The following SLC35F3 variants were observed in gnomAD, a reference collection of about 807,000 sequenced individuals.
SLC35F3 encodes the protein putative thiamine transporter SLC35F3.
A neutral mutation model predicts 49.9 loss-of-function variants in SLC35F3; 25 were observed. The observed-to-expected ratio is 0.50, with a 90% CI of 0.37 to 0.70. The LOEUF is 0.70. SLC35F3 is among the 30% of genes least tolerant of loss of function. SLC35F3 has a pLI of 0.00. For synonymous variants in SLC35F3, 275 were observed against 265.4 expected, an observed-to-expected ratio of 1.04 and a Z score of -0.35; for missense variants, 525 against 639.8, an observed-to-expected ratio of 0.82 and a Z score of 1.94.
chr1:234,000,707 A>AT lies in SLC35F3; in HGVS notation c.283+94955dup, dbSNP rs554111236. Among the ~76,000 whole-genome samples, 12 of 152,286 alleles carry AT rather than the reference A, an allele frequency of 7.9e-5. No individual in the cohort carries two copies. In the East Asian group the frequency reaches 2.1e-3, roughly 27 times the overall value. ...AAATGTAAAAATCCAGCTGTTTTTG[A>AT]TTTTTTATAGTACAAATGGGAGTTA... On this transcript the variant is annotated intron_variant, in intron 2 of 7. Coordinates refer to ENST00000366618, the MANE Select transcript of SLC35F3 (RefSeq NM_173508.4).
At position 233,981,086 on chromosome 1, in the gene SLC35F3, G is replaced by C. The variant is rs541104818; in HGVS notation, c.283+75328G>C. 2.0e-5 allele frequency among the ~76,000 whole-genome samples: 3 copies of C among 152,302 alleles called. No homozygotes were observed. In the East Asian group the frequency reaches 5.8e-4, roughly 29 times the overall value. ...TACAGAAAGAACAGAAAGAGATACT[G>C]TGTATGCCTCATTCAGTTTTCCCCG... On this transcript the variant is annotated intron_variant, in intron 2 of 7. Transcript: ENST00000366618.
At chr1:234,006,740 T>TGA (rs1301083936) in intron 2 of SLC35F3, among the ~76,000 whole-genome samples, 3 of 152,248 alleles carry the variant, frequency 2.0e-5, no homozygotes, top group African/African-American at 7.2e-5. Flanking sequence ...GAAGAAGAGA[T>TGA]GAGAGCTGGG....
intron 2 of SLC35F3, among the ~76,000 whole-genome samples, chr1:234,180,466 G>C (rs1361345934): frequency 6.6e-6 from 1 of 152,196 alleles, no homozygotes; most frequent in African/African-American, 2.4e-5. Flanking sequence ...TGCTAAGTGA[G>C]ACCTAGCTAG....
intron 2 of SLC35F3, among the ~76,000 whole-genome samples, chr1:234,136,521 T>C (rs1353434472): frequency 6.6e-6 from 1 of 152,202 alleles, no homozygotes; most frequent in Non-Finnish European, 1.5e-5. Context: ...CCCTTTATCT[T>C]TCTTAATGGT....
intron 3 of SLC35F3, among the ~76,000 whole-genome samples, chr1:234,251,970 A>G (rs1373331319): frequency 6.6e-6 from 1 of 151,932 alleles, no homozygotes; most frequent in Non-Finnish European, 1.5e-5. Context: ...AAAACCTGAA[A>G]TCTTACCAAT....
intron 2 of SLC35F3, among the ~76,000 whole-genome samples, chr1:233,963,840 C>G (rs1317706694): frequency 2.0e-5 from 3 of 152,178 alleles, no homozygotes; most frequent in Non-Finnish European, 4.4e-5. Context: ...ATTATTGCCC[C>G]ACATTTGCAC....
intron 3 of SLC35F3, among the ~76,000 whole-genome samples, chr1:234,298,479 T>C (rs1438302956): frequency 1.1e-4 from 16 of 152,202 alleles, no homozygotes; most frequent in Non-Finnish European, 1.5e-5. Context: ...AGGTAAGAAA[T>C]GATAGTGGCT....
At chr1:233,967,912 T>C (rs895571047) in intron 2 of SLC35F3, among the ~76,000 whole-genome samples, 7 of 152,210 alleles carry the variant, frequency 4.6e-5, no homozygotes, top group Non-Finnish European at 1.0e-4. Context: ...GAAACTGCAA[T>C]TTTACCACTG....
chr1:233,910,301 A>G (rs1661853814), intron 2 of SLC35F3, among the ~76,000 whole-genome samples: 3 of 152,216 alleles, frequency 2.0e-5, no homozygotes, highest in Non-Finnish European at 4.4e-5. Context: ...AAAAATCTGT[A>G]TAGTAGACAG....
At chr1:234,195,956 C>A (rs1475441459) in intron 2 of SLC35F3, among the ~76,000 whole-genome samples, 1 of 152,144 alleles carries the variant, frequency 6.6e-6, no homozygotes, top group Non-Finnish European at 1.5e-5. Flanking sequence ...GAGGACTCCC[C>A]AGCCACGTGG....
At chr1:234,010,023 CA>C (rs1409665198) in intron 2 of SLC35F3, among the ~76,000 whole-genome samples, 2 of 152,084 alleles carry the variant, frequency 1.3e-5, no homozygotes, top group African/African-American at 4.8e-5. Context: ...TAACATAAAA[CA>C]TACAAAAATA....
chr1:234,099,875 G>C (rs1665188943), intron 2 of SLC35F3, among the ~76,000 whole-genome samples: 1 of 152,172 alleles, frequency 6.6e-6, no homozygotes, highest in Non-Finnish European at 1.5e-5. Flanking sequence ...GTTTGATATT[G>C]CAAGCCTGCT....
At chr1:234,044,114 A>G (rs1399268120) in intron 2 of SLC35F3, among the ~76,000 whole-genome samples, 1 of 152,176 alleles carries the variant, frequency 6.6e-6, no homozygotes, top group Non-Finnish European at 1.5e-5. Flanking sequence ...TCTCACTCTC[A>G]AGAGACTGGA....
At position 234,229,239 on chromosome 1, in the gene SLC35F3, T is replaced by C. The variant is rs1395091790; in HGVS notation, c.284-2178T>C. On this transcript the variant is annotated intron_variant, in intron 2 of 7. Transcript: ENST00000366618. ...CCAAGCATGGAATATGTTTTCCTTA[T>C]AACGCCTGTTAACTGCATTACATTT... is the stretch of plus-strand genomic sequence containing the variant. Among the ~76,000 whole-genome samples, 4 of 150,900 alleles carry C rather than the reference T, an allele frequency of 2.7e-5. No individual in the cohort carries two copies. In the East Asian group the frequency reaches 8.6e-4, roughly 33 times the overall value.
intron 2 of SLC35F3, among the ~76,000 whole-genome samples, chr1:234,018,247 A>G (rs1165234524): frequency 6.6e-6 from 1 of 152,212 alleles, no homozygotes; most frequent in Non-Finnish European, 1.5e-5. Flanking sequence ...GATCCACTGT[A>G]TCTAACATAA....
At chr1:234,029,998 T>C (rs1345030492) in intron 2 of SLC35F3, among the ~76,000 whole-genome samples, 1 of 152,222 alleles carries the variant, frequency 6.6e-6, no homozygotes, top group African/African-American at 2.4e-5. Flanking sequence ...GTTAGGTTCC[T>C]AAAGACTAAT....
chr1:234,231,803 T>C lies in SLC35F3; in HGVS notation c.608+62T>C, dbSNP rs2236220. Reference sequence around the variant, plus strand: ...GGGCTGCTCCATCCAGCGCTGACTCTGCAGAGCTGCCCCTGGTGGCAGGCG... The same window carrying C: ...GGGCTGCTCCATCCAGCGCTGACTCCGCAGAGCTGCCCCTGGTGGCAGGCG... On this transcript the variant is annotated intron_variant, in intron 3 of 7. Transcript: ENST00000366618. The surrounding 1 kb of genome is among the most constrained non-coding windows in gnomAD (Gnocchi z 5.4). 622,791 of 1,481,326 alleles carry C rather than the reference T, an allele frequency of 0.42. 132,733 individuals are homozygous for C. The highest frequency in any genetic ancestry group is 0.56 in the Admixed American group (28,822 of 51,854). 91.8% of individuals were successfully genotyped at this position (1,481,326 alleles called of 1,614,324 possible).
At chr1:234,078,617 C>T (rs1276679478) in intron 2 of SLC35F3, among the ~76,000 whole-genome samples, 2 of 152,196 alleles carry the variant, frequency 1.3e-5, no homozygotes, top group Non-Finnish European at 2.9e-5. Flanking sequence ...CCTTTGCAGG[C>T]CCTTTCTTCT....
intron 2 of SLC35F3, among the ~76,000 whole-genome samples, chr1:234,177,949 C>G (rs761823821): frequency 4.6e-5 from 7 of 152,300 alleles, no homozygotes; most frequent in Admixed American, 6.5e-5. Flanking sequence ...TTCTCACCGC[C>G]AAACAAGAAC....
Sources: allele counts gnomAD v4.1 joint callset (sites outside exome capture counted in the v4.1 genomes callset), GRCh38; gene constraint gnomAD v4.1.1; non-coding constraint Gnocchi (gnomAD v3.1); transcripts MANE v1.5; gene names NCBI Gene and HGNC (gene_info 2026-07-23, HGNC 2026-07-21).